The following XPR1 variants were observed in gnomAD, a reference collection of about 807,000 sequenced individuals.
XPR1 encodes the protein solute carrier family 53 member 1.
In XPR1, 28 loss-of-function variants were observed where a neutral mutation model predicts 87.5. The observed-to-expected ratio is 0.32, with a 90% CI of 0.24 to 0.44. The LOEUF (loss-of-function observed/expected upper bound fraction) is 0.44. Among genes scored for constraint, XPR1 ranks in the 20% least tolerant of loss-of-function variants. XPR1 has a pLI of 1.00. For missense variants in XPR1, 559 were observed against 862.3 expected (o/e 0.65, Z 4.41); for synonymous variants, 300 against 306.1 (o/e 0.98, Z 0.21).
At chr1:180,816,889 G>C (rs1377528150) in intron 7 of XPR1, among the ~76,000 whole-genome samples, 1 of 152,156 alleles carries the variant, frequency 6.6e-6, no homozygotes, top group African/African-American at 2.4e-5. Flanking sequence ...TTGTAAAACA[G>C]CCTCAGGCAG....
At chr1:180,785,184 C>T (rs12080210) in intron 2 of XPR1, among the ~76,000 whole-genome samples, 6,496 of 151,948 alleles carry the variant, frequency 0.043, 506 homozygotes, top group African/African-American at 0.15. Flanking sequence ...GAGTCTTGCT[C>T]TGTCACCCAG....
chr1:180,659,772 C>T (rs1407285082), intron 1 of XPR1, among the ~76,000 whole-genome samples: 1 of 152,002 alleles, frequency 6.6e-6, no homozygotes, highest in Non-Finnish European at 1.5e-5. Flanking sequence ...CTGCCTCAGC[C>T]TCCTAAAGTG....
At chr1:180,703,176 AGTGGGCAAG>A (rs1231035552) in intron 2 of XPR1, among the ~76,000 whole-genome samples, 2 of 152,126 alleles carry the variant, frequency 1.3e-5, no homozygotes, top group Non-Finnish European at 2.9e-5. Flanking sequence ...TGGTGGTGGC[AGTGGGCAAG>A]GTGGGCAAGG....
Position 180,811,390 on chromosome 1 carries a change from T to G in XPR1, c.682-17T>G. 1.9e-6 allele frequency: 3 copies of G among 1,608,352 alleles called. 1 individual carries two copies. In the South Asian group the frequency reaches 3.3e-5, roughly 18 times the overall value. On this transcript the variant is annotated splice_polypyrimidine_tract_variant and intron_variant, in intron 6 of 14. Transcript: ENST00000367590. ...AGTGTTTTGTCCTGTACTCAAATAC[T>G]ATTTTTCTGTCCACAGCCTGCACCA... is the stretch of plus-strand genomic sequence containing the variant.
chr1:180,845,260 T>C (rs1651638643), intron 11 of XPR1, among the ~76,000 whole-genome samples: 1 of 152,226 alleles, frequency 6.6e-6, no homozygotes, highest in Non-Finnish European at 1.5e-5. Flanking sequence ...TTGGGAATTC[T>C]CTCGAATCTT....
intron 2 of XPR1, among the ~76,000 whole-genome samples, chr1:180,710,814 C>T (rs1017710878): frequency 1.1e-4 from 16 of 147,734 alleles, no homozygotes; most frequent in Non-Finnish European, 2.2e-4. Context: ...GATGGGGCGG[C>T]TGGCTGGGCG....
intron 1 of XPR1, among the ~76,000 whole-genome samples, chr1:180,665,574 G>A (rs1370298277): frequency 6.6e-6 from 1 of 152,144 alleles, no homozygotes; most frequent in African/African-American, 2.4e-5. Context: ...TTCCTTTCTG[G>A]CTAGGGCTGG....
rs1440648657 is a variant in XPR1 at position 180,890,237 on chromosome 1, C to T, written c.*6171C>T. 1 of 152,198 alleles carries T rather than the reference C, an allele frequency of 6.6e-6. No homozygotes were observed. The highest frequency in any genetic ancestry group is 2.4e-5 in the African/African-American group (1 of 41,450). The allele number at this position is 152,198 out of a possible 1,614,324, so 9.4% of individuals were successfully genotyped here. Reference sequence around the variant, plus strand: ...TCCTTTTTTCATTATTACAATTTCTCTCTGTTTTCCAACAGTTTGCTGACT... The same window carrying T: ...TCCTTTTTTCATTATTACAATTTCTTTCTGTTTTCCAACAGTTTGCTGACT... On this transcript the variant is annotated 3_prime_UTR_variant, in exon 15 of 15. Coordinates refer to ENST00000367590, the MANE Select transcript of XPR1 (RefSeq NM_004736.4).
At chr1:180,846,393 C>G (rs1651685111) in intron 11 of XPR1, among the ~76,000 whole-genome samples, 1 of 151,758 alleles carries the variant, frequency 6.6e-6, no homozygotes, top group South Asian at 2.1e-4. Flanking sequence ...AACGAAAGAC[C>G]AGTGGGCTAA....
intron 11 of XPR1, among the ~76,000 whole-genome samples, chr1:180,847,831 A>G (rs1046364342): frequency 3.3e-5 from 5 of 152,210 alleles, no homozygotes; most frequent in African/African-American, 1.2e-4. Context: ...TTGCAGGAAT[A>G]GGGAAAGTTG....
At chr1:180,843,284 TA>T (rs200846178) in intron 11 of XPR1, among the ~76,000 whole-genome samples, 30,830 of 148,856 alleles carry the variant, frequency 0.21, 3,473 homozygotes, top group East Asian at 0.29. Flanking sequence ...TCATTAACTT[TA>T]AAAAAAAAAA....
At chr1:180,793,715 T>G (rs977854367) in intron 3 of XPR1, among the ~76,000 whole-genome samples, 3 of 152,138 alleles carry the variant, frequency 2.0e-5, no homozygotes, top group African/African-American at 7.2e-5. Flanking sequence ...TGTTAATACA[T>G]CTGAAGGAAA....
intron 2 of XPR1, among the ~76,000 whole-genome samples, chr1:180,725,099 A>G (rs1468018469): frequency 1.3e-5 from 2 of 152,232 alleles, no homozygotes; most frequent in Non-Finnish European, 2.9e-5. Flanking sequence ...GGTATCGTAC[A>G]CATTCAAAGT....
At chr1:180,880,935 G>A (rs1652833918) in intron 14 of XPR1, among the ~76,000 whole-genome samples, 2 of 152,136 alleles carry the variant, frequency 1.3e-5, no homozygotes, top group Admixed American at 1.3e-4. Flanking sequence ...ACAATAGATA[G>A]CACAGTAGAT....
At chr1:180,673,450 T>C (rs1162663236) in intron 1 of XPR1, among the ~76,000 whole-genome samples, 1 of 152,196 alleles carries the variant, frequency 6.6e-6, no homozygotes, top group Non-Finnish European at 1.5e-5. Context: ...AGCAATCATC[T>C]AAAAATAAAG....
In XPR1 at chr1:180,703,908, A is replaced by G. The variant is rs538559965; in HGVS notation, c.121+21497A>G. On this transcript the variant is annotated intron_variant, in intron 2 of 14. Transcript: ENST00000367590. ...GAGGTTAGGGGCTACCATACTGGAC[A>G]GTACAGATTATTTCTCTTATTACAG... Among the ~76,000 whole-genome samples, 3 of 152,298 alleles carry G rather than the reference A, an allele frequency of 2.0e-5. No individual in the cohort carries two copies. The East Asian group carries it at 5.8e-4, about 29-fold the overall frequency.
intron 13 of XPR1, among the ~76,000 whole-genome samples, chr1:180,876,738 C>G (rs1352829346): frequency 6.6e-6 from 1 of 151,904 alleles, no homozygotes; most frequent in Admixed American, 6.6e-5. Context: ...AAAGTCAATA[C>G]CTGTTCATGA....
intron 2 of XPR1, among the ~76,000 whole-genome samples, chr1:180,769,070 T>G (rs1361359765): frequency 7.0e-6 from 1 of 143,414 alleles, no homozygotes; most frequent in Admixed American, 6.8e-5. Context: ...TCTATATCTG[T>G]TTTTTTTTAA....
intron 3 of XPR1, among the ~76,000 whole-genome samples, chr1:180,795,073 A>G (rs1055923758): frequency 6.6e-6 from 1 of 152,212 alleles, no homozygotes; most frequent in Non-Finnish European, 1.5e-5. Context: ...TATATTTTGA[A>G]TAACACCAAG....
Sources: gnomAD v4.1 joint callset for allele counts (sites outside exome capture counted in the v4.1 genomes callset) on GRCh38, gnomAD v4.1.1 for gene constraint, MANE v1.5 for transcripts, NCBI Gene and HGNC (gene_info 2026-07-23, HGNC 2026-07-21) for gene names.